NPHP3: variants seen among roughly 807,000 people sequenced by gnomAD.
The protein encoded by NPHP3 is nephrocystin 3.
In NPHP3, 123 loss-of-function variants were observed where a neutral mutation model predicts 171.9. The ratio of observed to expected loss-of-function variants is 0.72; its 90% CI spans 0.62 to 0.83. NPHP3 has a LOEUF of 0.83. NPHP3 is among the 40% of genes least tolerant of loss of function. The pLI, the probability that NPHP3 is intolerant of heterozygous loss-of-function variation, is 0.00. For missense variants in NPHP3, 1,506 were observed against 1,591.9 expected, an observed-to-expected ratio of 0.95 and a Z score of 0.92; for synonymous variants, 558 against 579.2, an observed-to-expected ratio of 0.96 and a Z score of 0.52.
Position 132,684,788 on chromosome 3 carries a change from A to G in NPHP3, c.3336T>C (p.Ala1112=), listed in dbSNP as rs188431787. ...LYYLQNNLET[A]DQFLKRSLEM... ...CTAAGGAACGCTTCAGAAACTGGTCAGCTGTTCTGTGAACACAATCCCAAA... is the reference window on the plus strand; with the variant it reads ...CTAAGGAACGCTTCAGAAACTGGTCGGCTGTTCTGTGAACACAATCCCAAA... The change falls in exon 24 of 27, where the codon GCT becomes GCC. Residue 1112 remains alanine (A), a synonymous_variant. Transcript: ENST00000337331. The G allele has an allele frequency of 4.5e-5, 72 of 1,613,194 alleles. No homozygotes were observed. The African/African-American group carries it at 6.4e-4, about 14-fold the overall frequency.
intron 16 of NPHP3, chr3:132,693,509 C>T (rs563167262): frequency 6.6e-6 from 1 of 152,246 alleles, no homozygotes; most frequent in Non-Finnish European, 1.5e-5. Context: ...TACGAGGAAG[C>T]TTGTGGGCTT....
At chr3:132,683,656 C>G in intron 24 of NPHP3, 132 bp from the exon 25 acceptor site, 1 of 661,792 alleles carries the variant, frequency 1.5e-6, no homozygotes, top group Non-Finnish European at 2.6e-6. Flanking sequence ...CATTTCCTAT[C>G]AGCTTAATGA....
intron 3 of NPHP3, 170 bp from the exon 4 acceptor site, chr3:132,717,079 T>A: frequency 1.6e-6 from 1 of 638,290 alleles, no homozygotes; most frequent in Non-Finnish European, 2.7e-6. Flanking sequence ...TCAAAGATAC[T>A]GATTAACATA....
chr3:132,696,318 T>G (rs567955279), intron 15 of NPHP3, among the ~76,000 whole-genome samples: 1 of 150,362 alleles, frequency 6.7e-6, no homozygotes, highest in Non-Finnish European at 1.5e-5. Flanking sequence ...GAACTATTTT[T>G]ATAATTAAAA....
At chr3:132,716,393 C>T (rs1182854184) in intron 4 of NPHP3, among the ~76,000 whole-genome samples, 2 of 152,124 alleles carry the variant, frequency 1.3e-5, no homozygotes, top group Non-Finnish European at 2.9e-5. Flanking sequence ...GGTATTATCT[C>T]CATAACCTGC....
chr3:132,698,603 A>G lies in NPHP3; in HGVS notation c.1985+750T>C, dbSNP rs115999827. ...CTCTACTACTTTTTAAAGAACCATT[A>G]AAGTGAGCTTGCATTTCAAAATAAC... On this transcript the variant is annotated intron_variant, in intron 13 of 26. Transcript: ENST00000337331. 3.1e-3 allele frequency among the ~76,000 whole-genome samples: 467 copies of G among 152,094 alleles called. 1 individual carries two copies. The highest frequency in any genetic ancestry group is 0.011 in the African/African-American group (444 of 41,488).
intron 13 of NPHP3, among the ~76,000 whole-genome samples, chr3:132,698,537 G>A (rs1239751347): frequency 1.3e-5 from 2 of 151,686 alleles, no homozygotes; most frequent in Non-Finnish European, 2.9e-5. Context: ...CTGGCCTCCC[G>A]AAGTGCTGGG....
At chr3:132,708,901 C>T (rs939422083) in intron 6 of NPHP3, among the ~76,000 whole-genome samples, 2 of 152,150 alleles carry the variant, frequency 1.3e-5, no homozygotes, top group Admixed American at 1.3e-4. Flanking sequence ...ATTGGCCCTC[C>T]TTCATTATGT....
intron 6 of NPHP3, among the ~76,000 whole-genome samples, chr3:132,711,914 G>C (rs1939920210): frequency 6.6e-6 from 1 of 152,200 alleles, no homozygotes; most frequent in South Asian, 2.1e-4. Flanking sequence ...AGTCTTAAGG[G>C]TCTACAATGG....
intron 9 of NPHP3, among the ~76,000 whole-genome samples, chr3:132,703,335 A>C (rs1939664987): frequency 6.6e-6 from 1 of 152,196 alleles, no homozygotes; most frequent in Non-Finnish European, 1.5e-5. Context: ...ATTCTTTAAA[A>C]TATTAGTTCT....
rs775251320 is a variant in NPHP3 at position 132,704,173 on chromosome 3, T to C, written c.1524+25A>G. ...GCCTTTAAGTGGTGACAGATCTTTG[T>C]TGCAATAATACTCCAAGCACTTACT... On this transcript the variant is annotated intron_variant, in intron 9 of 26. Transcript: ENST00000337331. 1.9e-6 allele frequency: 3 copies of C among 1,608,050 alleles called. No homozygotes were observed. The South Asian group carries it at 3.3e-5, about 18-fold the overall frequency.
In NPHP3 at chr3:132,691,206, GA is replaced by G; in HGVS notation, c.2555del (p.Phe852SerfsTer5). The G allele has an allele frequency of 6.2e-7, 1 of 1,612,398 alleles. No homozygotes were observed. The highest frequency in any genetic ancestry group is 8.5e-7 in the Non-Finnish European group (1 of 1,178,574). On this transcript the variant is annotated frameshift_variant, in exon 18 of 27. Coordinates refer to ENST00000337331, the MANE Select transcript of NPHP3 (RefSeq NM_153240.5). LOFTEE classifies it high-confidence loss of function. Reference protein sequence around the residue: ...SSYRQKLINYFTLQLSQDRVT... With the variant: ...SSYRQKLINYXTLQLSQDRVT... ...ATTTACAATACCTTAGCTGCAAGGT[GA>G]AATAGTTGATTAGCTTTTGCCTGTA...
Position 132,701,525 on chromosome 3 carries a change from T to A in NPHP3, c.1533A>T (p.Gln511His), listed in dbSNP as rs368126549. 138 of 1,610,002 alleles carry A rather than the reference T, an allele frequency of 8.6e-5. No individual in the cohort carries two copies. Among genetic ancestry groups the A allele is most frequent in the Non-Finnish European group, 1.1e-4 (129 of 1,176,536 alleles). Residue 511 changes from glutamine (Q) to histidine (H), a missense_variant, in exon 10 of 27, where the codon CAA (glutamine) becomes CAT (histidine). Around this residue, in one of 3 missense-constraint regions of NPHP3, gnomAD observed 930 missense variants for 924.9 expected, o/e 1.01. Coordinates refer to ENST00000337331, the MANE Select transcript of NPHP3 (RefSeq NM_153240.5). Reference protein sequence around the residue: ...AHELGFEKYYQRLNDLVAAPA... With the variant: ...AHELGFEKYYHRLNDLVAAPA... ...GTGCTGCCACTAGATCATTAAGGCG[T>A]TGGTAATACTAGAAAAAAAAATGAA... is the stretch of plus-strand genomic sequence containing the variant.
At chr3:132,704,396 A>G in intron 8 of NPHP3, 25 bp from the exon 9 acceptor site, 1 of 1,613,898 alleles carries the variant, frequency 6.2e-7, no homozygotes, top group Non-Finnish European at 8.5e-7. Flanking sequence ...CAACCACACA[A>G]AAATGAATGA....
chr3:132,720,089 T>G (rs1327475131), intron 1 of NPHP3, among the ~76,000 whole-genome samples: 2 of 152,230 alleles, frequency 1.3e-5, no homozygotes, highest in African/African-American at 4.8e-5. Context: ...TTTGAAACAC[T>G]GCATCAGCTC....
intron 5 of NPHP3, among the ~76,000 whole-genome samples, chr3:132,713,792 T>C (rs1478343021): frequency 6.6e-6 from 1 of 152,236 alleles, no homozygotes; most frequent in East Asian, 1.9e-4. Flanking sequence ...GCCCTCAAAA[T>C]GTCGTTGGGA....
Position 132,696,804 on chromosome 3 carries a change from G to C in NPHP3, c.2098C>G (p.Leu700Val), listed in dbSNP as rs763195408. Reference sequence around the variant, plus strand: ...GTAGCAGAACGACAGTGTCGTTCTAGCTTCTTCTCCTGCACCAGTTTACCA... The same window carrying C: ...GTAGCAGAACGACAGTGTCGTTCTACCTTCTTCTCCTGCACCAGTTTACCA... ...IKLSKEQEKK[L>V]ERHCRSATTC... Residue 700 changes from leucine to valine, a missense_variant, in exon 15 of 27, where the codon CTA (leucine) becomes GTA (valine). Coordinates refer to ENST00000337331, the MANE Select transcript of NPHP3 (RefSeq NM_153240.5). The C allele has an allele frequency of 1.2e-6, 2 of 1,613,590 alleles. No homozygotes were observed. The highest frequency in any genetic ancestry group is 1.7e-6 in the Non-Finnish European group (2 of 1,179,630).
intron 5 of NPHP3, among the ~76,000 whole-genome samples, chr3:132,714,612 C>T (rs1940000210): frequency 6.6e-6 from 1 of 151,978 alleles, no homozygotes; most frequent in Admixed American, 6.6e-5. Context: ...ACCTGTAGTC[C>T]TAGCTGTTCT....
chr3:132,700,328 CTATACCTT>C lies in NPHP3; in HGVS notation c.1741_1743+5del. 6.4e-7 allele frequency: 1 copy of C among 1,566,050 alleles called. No homozygotes were observed. Among genetic ancestry groups the C allele is most frequent in the East Asian group, 2.2e-5 (1 of 44,618 alleles). ...TTCTGTAATTCCAAAAGATGGGATA[CTATACCTT>C]TAGAGTTAGTCGTTTAATAATCAAG... On this transcript the variant is annotated splice_donor_variant and splice_donor_5th_base_variant and coding_sequence_variant and intron_variant, in exon 11 of 27. Coordinates refer to ENST00000337331, the MANE Select transcript of NPHP3 (RefSeq NM_153240.5). LOFTEE classifies it high-confidence loss of function.
Sources: allele counts gnomAD v4.1 joint callset (sites outside exome capture counted in the v4.1 genomes callset), GRCh38; gene constraint gnomAD v4.1.1; regional missense constraint gnomAD v4.1.1; transcripts MANE v1.5; gene names NCBI Gene and HGNC (gene_info 2026-07-23, HGNC 2026-07-21).